Variants in CDYL observed in about 807,000 individuals in gnomAD.
CDYL encodes chromodomain Y-like protein.
Under a neutral mutation model 47.3 loss-of-function variants are expected in CDYL, and 8 were observed. The observed-to-expected ratio is 0.17, with a 90% CI of 0.10 to 0.31. The LOEUF (loss-of-function observed/expected upper bound fraction) is 0.31, where lower values mean the gene tolerates loss of function less well. Ranked by LOEUF, CDYL falls within the 10% of genes least tolerant of loss-of-function variation. CDYL has a pLI of 1.00. For synonymous variants in CDYL, 266 were observed against 265.0 expected, an observed-to-expected ratio of 1.00 and a Z score of -0.04; for missense variants, 471 against 701.4, an observed-to-expected ratio of 0.67 and a Z score of 3.71.
chr6:4,847,659 A>G lies in CDYL; in HGVS notation c.25-44054A>G, dbSNP rs572368273. Among the ~76,000 whole-genome samples, 40 of 152,358 alleles carry G rather than the reference A, an allele frequency of 2.6e-4. No individual in the cohort carries two copies. The South Asian group carries it at 7.9e-3, about 30-fold the overall frequency. On this transcript the variant is annotated intron_variant, in intron 1 of 6. Coordinates refer to ENST00000397588, the MANE Select transcript of CDYL (RefSeq NM_004824.4). ...TTGTATGTATCAAGTTCTGCCTTTA[A>G]AACTTCAGTTTTCTCCAGGATCAAT...
intron 2 of CDYL, among the ~76,000 whole-genome samples, chr6:4,716,593 A>AT (rs35154777): frequency 0.079 from 9,427 of 119,866 alleles, 540 homozygotes; most frequent in African/African-American, 0.14. Context: ...GGCAGCAATA[A>AT]TTTTTTTTTT....
intron 3 of CDYL, among the ~76,000 whole-genome samples, chr6:4,755,444 C>T (rs747223923): frequency 8.5e-5 from 13 of 152,254 alleles, no homozygotes; most frequent in Non-Finnish European, 1.5e-4. Context: ...GCATTTCTTC[C>T]TTCATGCTGA....
At chr6:4,826,791 C>T (rs966804301) in intron 1 of CDYL, among the ~76,000 whole-genome samples, 2 of 152,160 alleles carry the variant, frequency 1.3e-5, no homozygotes, top group African/African-American at 4.8e-5. Context: ...TTCATATGCA[C>T]TTAAGAAGGT....
At chr6:4,918,467 A>T (rs7759221) in intron 2 of CDYL, among the ~76,000 whole-genome samples, 127,391 of 152,000 alleles carry the variant, frequency 0.84, 53,581 homozygotes, top group Admixed American at 0.89. Context: ...AAGGCTTTAA[A>T]AAGGAAATAA....
intron 3 of CDYL, among the ~76,000 whole-genome samples, chr6:4,769,396 A>G (rs768290807): frequency 6.6e-6 from 1 of 152,222 alleles, no homozygotes. Context: ...CCTACTTCTC[A>G]TAAATTATTT....
intron 1 of CDYL, among the ~76,000 whole-genome samples, chr6:4,804,568 G>A (rs1759317192): frequency 6.6e-6 from 1 of 152,176 alleles, no homozygotes; most frequent in Admixed American, 6.5e-5. Flanking sequence ...GGAAACGATG[G>A]CCTTGGAGGC....
intron 3 of CDYL, among the ~76,000 whole-genome samples, chr6:4,738,036 C>A (rs911528965): frequency 6.6e-5 from 10 of 151,962 alleles, no homozygotes; most frequent in Non-Finnish European, 1.2e-4. Flanking sequence ...AAAGAAAATA[C>A]AATAGAAAAA....
At chr6:4,840,479 C>G (rs1051223009) in intron 1 of CDYL, among the ~76,000 whole-genome samples, 3 of 152,092 alleles carry the variant, frequency 2.0e-5, no homozygotes, top group African/African-American at 7.2e-5. Context: ...TCGTCTTGTT[C>G]CAGTTCTCAG....
chr6:4,788,480 C>CAAAAAAAAAAAAAAAAAAAAAAAAA (rs1220969716), intron 1 of CDYL, among the ~76,000 whole-genome samples: 1 of 61,064 alleles, frequency 1.6e-5, no homozygotes, highest in Admixed American at 2.3e-4. Context: ...GAGACTCTGT[C>CAAAAAAAAAAAAAAAAAAAAAAAAA]AAAAAAAAAA....
chr6:4,718,924 CTTTT>C (rs1418887206), intron 2 of CDYL, among the ~76,000 whole-genome samples: 1 of 139,510 alleles, frequency 7.2e-6, no homozygotes, highest in Non-Finnish European at 1.6e-5. Context: ...TTTTTTTTTT[CTTTT>C]TTTCTTTCTT....
Position 4,819,162 on chromosome 6 carries a change from C to CTCTCTG in CDYL, c.24+42356_24+42357insCTCTGT, listed in dbSNP as rs1016051589. Reference sequence around the variant, plus strand: ...TCTCTCTCTCTCTCTCTCTCTCTCTCTGTGTGTGTGTGTGTGTGTGTAGCT... The same window carrying CTCTCTG: ...TCTCTCTCTCTCTCTCTCTCTCTCTCTCTCTGTGTGTGTGTGTGTGTGTGTGTAGCT... On this transcript the variant is annotated intron_variant, in intron 1 of 6. Transcript: ENST00000397588. 7.7e-3 allele frequency among the ~76,000 whole-genome samples: 855 copies of CTCTCTG among 111,758 alleles called. 6 individuals are homozygous for CTCTCTG. Among genetic ancestry groups the CTCTCTG allele is most frequent in the Non-Finnish European group, 0.01 (608 of 58,490 alleles). 73.3% of individuals were successfully genotyped at this position (111,758 alleles called of 152,430 possible).
At chr6:4,942,877 A>T (rs1248119444) in intron 4 of CDYL, among the ~76,000 whole-genome samples, 1 of 152,190 alleles carries the variant, frequency 6.6e-6, no homozygotes, top group Non-Finnish European at 1.5e-5. Flanking sequence ...GGATGTGGGT[A>T]CAGGCCTGAG....
intron 1 of CDYL, among the ~76,000 whole-genome samples, chr6:4,852,803 G>GTTTTTTTTTTTTTT (rs1163412177): frequency 2.7e-5 from 4 of 147,538 alleles, no homozygotes; most frequent in African/African-American, 1.1e-4. Flanking sequence ...GGGTTTCTTT[G>GTTTTTTTTTTTTTT]TTCTTTTTTT....
intron 2 of CDYL, among the ~76,000 whole-genome samples, chr6:4,903,539 G>T (rs1324747024): frequency 6.6e-6 from 1 of 152,176 alleles, no homozygotes; most frequent in African/African-American, 2.4e-5. Context: ...AACAACAAGT[G>T]AAATAATAAA....
chr6:4,766,773 G>A (rs1362895851), intron 3 of CDYL, among the ~76,000 whole-genome samples: 1 of 152,042 alleles, frequency 6.6e-6, no homozygotes, highest in Non-Finnish European at 1.5e-5. Context: ...GGAGGCTGAG[G>A]TTGGCAGATC....
chr6:4,815,970 A>G (rs1007927426), intron 1 of CDYL, among the ~76,000 whole-genome samples: 1 of 85,762 alleles, frequency 1.2e-5, no homozygotes, highest in Non-Finnish European at 2.6e-5. Flanking sequence ...GTATTTTTAT[A>G]GGTTTTTTTT....
chr6:4,939,198 C>A (rs1758290307), intron 4 of CDYL, among the ~76,000 whole-genome samples: 1 of 152,232 alleles, frequency 6.6e-6, no homozygotes, highest in Non-Finnish European at 1.5e-5. Flanking sequence ...TACTAGGCTC[C>A]AGCTGAGCAC....
chr6:4,848,007 A>G lies in CDYL; in HGVS notation c.25-43706A>G, dbSNP rs532205604. On this transcript the variant is annotated intron_variant, in intron 1 of 6. Transcript: ENST00000397588. Reference sequence around the variant, plus strand: ...TGCTTTCACATGTCCCATAATTGAAATTAAGAACTGCTGGCAACTGGTTAG... The same window carrying G: ...TGCTTTCACATGTCCCATAATTGAAGTTAAGAACTGCTGGCAACTGGTTAG... Among the ~76,000 whole-genome samples the G allele has an allele frequency of 2.6e-5, 4 of 152,326 alleles. No individual in the cohort carries two copies. In the South Asian group the frequency reaches 6.2e-4, roughly 24 times the overall value.
intron 1 of CDYL, among the ~76,000 whole-genome samples, chr6:4,810,627 A>T (rs1444443334): frequency 6.6e-6 from 1 of 152,234 alleles, no homozygotes; most frequent in Non-Finnish European, 1.5e-5. Flanking sequence ...GTAACAAAAT[A>T]CTATAAACTG....
Sources: allele counts gnomAD v4.1 joint callset (sites outside exome capture counted in the v4.1 genomes callset), GRCh38; gene constraint gnomAD v4.1.1; transcripts MANE v1.5; gene names NCBI Gene and HGNC (gene_info 2026-07-23, HGNC 2026-07-21).